OSBP: variants seen among roughly 807,000 people sequenced by gnomAD.
OSBP encodes the protein oxysterol binding protein.
Under a neutral mutation model 96.6 loss-of-function variants are expected in OSBP, and 32 were observed. The observed-to-expected ratio is 0.33, with a 90% CI of 0.25 to 0.45. The LOEUF (loss-of-function observed/expected upper bound fraction) is 0.45. Ranked by LOEUF, OSBP falls within the 20% of genes least tolerant of loss-of-function variation. OSBP has a pLI of 1.00. For missense variants in OSBP, 653 were observed against 1,029.7 expected, an observed-to-expected ratio of 0.63 and a Z score of 5.01; for synonymous variants, 369 against 389.6, an observed-to-expected ratio of 0.95 and a Z score of 0.62.
intron 9 of OSBP, among the ~76,000 whole-genome samples, chr11:59,583,642 T>TG (rs941151706): frequency 8.3e-5 from 11 of 133,002 alleles, no homozygotes; most frequent in Admixed American, 2.3e-4. Flanking sequence ...CTGTTTTTTT[T>TG]TTTTTTTTTT....
chr11:59,579,807 C>A lies in OSBP; in HGVS notation c.1878+367G>T, dbSNP rs7125274. 9.0e-3 allele frequency among the ~76,000 whole-genome samples: 1,369 copies of A among 152,054 alleles called. 21 individuals are homozygous for A. Among genetic ancestry groups the A allele is most frequent in the African/African-American group, 0.031 (1,268 of 41,440 alleles). On this transcript the variant is annotated intron_variant, in intron 11 of 13. Coordinates refer to ENST00000263847, the MANE Select transcript of OSBP (RefSeq NM_002556.3). ...CGAGACTCACTGCAGCCTCTGCCTC[C>A]CAGGTTCAAGCGATTCTCCTGCCTC...
At chr11:59,602,614 A>G (rs1860736998) in intron 3 of OSBP, among the ~76,000 whole-genome samples, 1 of 152,122 alleles carries the variant, frequency 6.6e-6, no homozygotes, top group Admixed American at 6.6e-5. Flanking sequence ...GCACCCTACA[A>G]TGCAGCCACA....
intron 7 of OSBP, among the ~76,000 whole-genome samples, chr11:59,597,960 T>G (rs1860678536): frequency 6.6e-6 from 1 of 151,950 alleles, no homozygotes; most frequent in African/African-American, 2.4e-5. Context: ...CCCATCTTGG[T>G]CTCCCAAAGC....
At chr11:59,585,390 T>TC (rs202032521) in intron 9 of OSBP, among the ~76,000 whole-genome samples, 145,326 of 145,462 alleles carry the variant, frequency 1, 72,595 homozygotes, top group Middle Eastern at 1. Context: ...TGAGGAGACC[T>TC]CGCCCGGCAA....
intron 7 of OSBP, among the ~76,000 whole-genome samples, chr11:59,595,951 A>C (rs979398681): frequency 2.6e-4 from 26 of 98,854 alleles, no homozygotes; most frequent in Non-Finnish European, 5.3e-4. Context: ...CTAAAAATAA[A>C]TAAATAAATA....
chr11:59,595,189 T>TAG (rs758142977), intron 7 of OSBP: 3 of 152,790 alleles, frequency 2.0e-5, no homozygotes, highest in Admixed American at 6.6e-5. Flanking sequence ...TTTTAAATGA[T>TAG]TTTACTATGT....
intron 9 of OSBP, 111 bp from the exon 10 acceptor site, chr11:59,581,665 G>A: frequency 3.7e-6 from 2 of 535,354 alleles, no homozygotes; most frequent in Non-Finnish European, 7.0e-6. Flanking sequence ...ATTACTTTTA[G>A]AAATAAAACA....
At position 59,601,793 on chromosome 11, in the gene OSBP, AT is replaced by A; in HGVS notation, c.867del (p.Lys289AsnfsTer62). ...FLMLAQTHSK[K>X]WQKSLQYERD... The stretch of plus-strand genomic sequence containing the variant: ...CTTTCATACTGTAGTGACTTTTGCC[AT>A]TTTTTACTATGGGTCTGGGCTAACA... On this transcript the variant is annotated frameshift_variant, in exon 4 of 14. Coordinates refer to ENST00000263847, the MANE Select transcript of OSBP (RefSeq NM_002556.3). LOFTEE classifies it high-confidence loss of function. The A allele has an allele frequency of 6.2e-7, 1 of 1,614,068 alleles. No homozygotes were observed. The highest frequency in any genetic ancestry group is 1.1e-5 in the South Asian group (1 of 91,084).
intron 6 of OSBP, 47 bp downstream of exon 6, chr11:59,600,772 T>C: frequency 6.6e-7 from 1 of 1,504,548 alleles, no homozygotes; most frequent in Non-Finnish European, 9.1e-7. Context: ...TCCTTGGGAA[T>C]CACAACCCAC....
chr11:59,589,399 G>C (rs986664239), intron 9 of OSBP, among the ~76,000 whole-genome samples: 1 of 151,672 alleles, frequency 6.6e-6, no homozygotes, highest in Non-Finnish European at 1.5e-5. Flanking sequence ...TCAGAAGTTC[G>C]AGACCAGCCT....
rs1860727950 is a variant in OSBP, at chr11:59,601,805, G to C, written c.856C>G (p.His286Asp). ...CRDFLMLAQT[H>D]SKKWQKSLQY... ...AGTGACTTTTGCCATTTTTTACTAT[G>C]GGTCTGGGCTAACATGAGGAAATCT... Residue 286 changes from histidine to aspartate, a missense_variant, in exon 4 of 14, where the codon CAT becomes GAT. His to Asp is a moderately conservative substitution (Grantham distance 81). This residue lies in a region of OSBP where 308 missense variants were observed against 573.1 expected (regional missense o/e 0.54). Transcript: ENST00000263847. 2 of 1,614,020 alleles carry C rather than the reference G, an allele frequency of 1.2e-6. No homozygotes were observed. The highest frequency in any genetic ancestry group is 1.7e-6 in the Non-Finnish European group (2 of 1,180,010).
rs896942771 is a variant in OSBP, at chr11:59,602,164, T to G, written c.823-326A>C. 3.3e-5 allele frequency among the ~76,000 whole-genome samples: 5 copies of G among 152,126 alleles called. No homozygotes were observed. In the East Asian group the frequency reaches 9.6e-4, roughly 29 times the overall value. ...GCAGGTATGTGAACTGCACCAAAAG[T>G]AGAGAACTGCTGACTGAAAGAAGGA... On this transcript the variant is annotated intron_variant, in intron 3 of 13. Transcript: ENST00000263847.
At chr11:59,588,499 G>A (rs1860530819) in intron 9 of OSBP, among the ~76,000 whole-genome samples, 1 of 148,870 alleles carries the variant, frequency 6.7e-6, no homozygotes, top group South Asian at 2.1e-4. Flanking sequence ...TCATGCCACT[G>A]CACTCCAGCC....
At chr11:59,596,869 T>A (rs929912295) in intron 7 of OSBP, among the ~76,000 whole-genome samples, 2 of 152,064 alleles carry the variant, frequency 1.3e-5, no homozygotes, top group Non-Finnish European at 2.9e-5. Flanking sequence ...CCAGCCAGAC[T>A]CCAGTAGCCA....
intron 12 of OSBP, among the ~76,000 whole-genome samples, chr11:59,577,385 AACTG>A (rs140223387): frequency 0.037 from 5,692 of 152,272 alleles, 137 homozygotes; most frequent in Non-Finnish European, 0.043. Context: ...TATCACTACA[AACTG>A]ACTGTATTAG....
intron 11 of OSBP, among the ~76,000 whole-genome samples, chr11:59,579,963 C>T (rs1217001806): frequency 6.6e-6 from 1 of 152,142 alleles, no homozygotes; most frequent in Non-Finnish European, 1.5e-5. Context: ...CCATCTGCCT[C>T]AGCCTCCCAA....
chr11:59,610,328 G>T, intron 2 of OSBP, 53 bp downstream of exon 2: 1 of 1,444,506 alleles, frequency 6.9e-7, no homozygotes, highest in Non-Finnish European at 9.7e-7. Context: ...CAAAATCTGT[G>T]CATAAAAGGG....
intron 11 of OSBP, among the ~76,000 whole-genome samples, chr11:59,579,186 A>C (rs1445012909): frequency 6.6e-6 from 1 of 152,144 alleles, no homozygotes; most frequent in African/African-American, 2.4e-5. Flanking sequence ...ATCCCCAGCT[A>C]TTCTTCAGTC....
At chr11:59,598,444 CT>C (rs1183124594) in intron 7 of OSBP, among the ~76,000 whole-genome samples, 1 of 152,204 alleles carries the variant, frequency 6.6e-6, no homozygotes, top group Non-Finnish European at 1.5e-5. Context: ...TCTTCTACAA[CT>C]GGTAGAACCC....
Sources: gnomAD v4.1 joint callset for allele counts (sites outside exome capture counted in the v4.1 genomes callset) on GRCh38, gnomAD v4.1.1 for gene constraint, gnomAD v4.1.1 regional missense constraint, MANE v1.5 for transcripts, NCBI Gene and HGNC (gene_info 2026-07-23, HGNC 2026-07-21) for gene names.